Variants in EPB41L3 observed in about 807,000 individuals in gnomAD.
EPB41L3 encodes erythrocyte membrane protein band 4.1 like 3.
In EPB41L3, 57 loss-of-function variants were observed where a neutral mutation model predicts 127.1. The ratio of observed to expected loss-of-function variants is 0.45; its 90% CI spans 0.36 to 0.56. EPB41L3 has a LOEUF of 0.56. Among genes scored for constraint, EPB41L3 ranks in the 20% least tolerant of loss-of-function variants. EPB41L3 has a pLI of 0.00. For missense variants in EPB41L3, 1,273 were observed against 1,372.2 expected, an observed-to-expected ratio of 0.93 and a Z score of 1.14; for synonymous variants, 572 against 549.5, an observed-to-expected ratio of 1.04 and a Z score of -0.57.
At chr18:5,436,941 A>T (rs1568170812) in intron 6 of EPB41L3, among the ~76,000 whole-genome samples, 2 of 152,160 alleles carry the variant, frequency 1.3e-5, no homozygotes, top group African/African-American at 2.4e-5. Flanking sequence ...GTTTTGAGTA[A>T]TTTCCCTTTT....
chr18:5,421,284 T>G (rs2077440108), intron 11 of EPB41L3, among the ~76,000 whole-genome samples: 1 of 151,706 alleles, frequency 6.6e-6, no homozygotes, highest in Admixed American at 6.6e-5. Context: ...TGCACGTCAC[T>G]GAACAAAGTG....
At chr18:5,620,446 T>C (rs886774123) in intron 1 of EPB41L3, among the ~76,000 whole-genome samples, 1 of 152,196 alleles carries the variant, frequency 6.6e-6, no homozygotes, top group Admixed American at 6.5e-5. Context: ...TTTCACTTAG[T>C]GAAAATATTT....
chr18:5,616,163 C>T (rs995441926), intron 1 of EPB41L3, among the ~76,000 whole-genome samples: 37 of 152,122 alleles, frequency 2.4e-4, no homozygotes, highest in African/African-American at 8.9e-4. Context: ...TCAGCTGTTA[C>T]CCCGGCTCCT....
chr18:5,613,143 AGAG>A (rs746623769), intron 2 of EPB41L3, among the ~76,000 whole-genome samples: 6 of 152,276 alleles, frequency 3.9e-5, no homozygotes, highest in Non-Finnish European at 5.9e-5. Flanking sequence ...ACACTTGCAG[AGAG>A]GAGGGACTTA....
chr18:5,401,136 C>G (rs568616840), intron 16 of EPB41L3: 1 of 621,252 alleles, frequency 1.6e-6, no homozygotes, highest in African/African-American at 1.8e-5. Context: ...TGTATTATCT[C>G]TATCTATCTA....
intron 3 of EPB41L3, among the ~76,000 whole-genome samples, chr18:5,460,263 G>C (rs1292662650): frequency 6.6e-6 from 1 of 152,104 alleles, no homozygotes; most frequent in Non-Finnish European, 1.5e-5. Flanking sequence ...CCTCTCATTT[G>C]GGTTCTCTCA....
At chr18:5,508,341 A>T (rs537634718) in intron 1 of EPB41L3, 31 of 152,334 alleles carry the variant, frequency 2.0e-4, no homozygotes, top group African/African-American at 7.5e-4. Context: ...AACACTGTAC[A>T]ACCCAAAAGA....
At chr18:5,559,235 A>G (rs1321912970) in intron 3 of EPB41L3, among the ~76,000 whole-genome samples, 1 of 152,248 alleles carries the variant, frequency 6.6e-6, no homozygotes, top group Non-Finnish European at 1.5e-5. Context: ...AAATGTTCTT[A>G]TATCATTAAG....
chr18:5,470,866 A>G (rs2086006675), intron 3 of EPB41L3, among the ~76,000 whole-genome samples: 1 of 152,246 alleles, frequency 6.6e-6, no homozygotes, highest in Non-Finnish European at 1.5e-5. Flanking sequence ...AAACCTGTGC[A>G]GATGGGAGGC....
Position 5,477,971 on chromosome 18 carries a change from A to T in EPB41L3, c.381+270T>A, listed in dbSNP as rs555398076. Among the ~76,000 whole-genome samples the T allele has an allele frequency of 1.6e-3, 246 of 152,148 alleles. 3 individuals carry two copies. The highest frequency in any genetic ancestry group is 5.8e-3 in the African/African-American group (241 of 41,494). ...AAAGTCTATTTTTAAAGCTTTCAAA[A>T]TTTTTTTTGTTCCTACCATATTGTT... On this transcript the variant is annotated intron_variant, in intron 3 of 22. Coordinates refer to ENST00000341928, the MANE Select transcript of EPB41L3 (RefSeq NM_012307.5).
intron 3 of EPB41L3, among the ~76,000 whole-genome samples, chr18:5,471,651 G>A (rs887870636): frequency 2.0e-5 from 3 of 152,138 alleles, no homozygotes; most frequent in Non-Finnish European, 2.9e-5. Context: ...CAGGCAAGAC[G>A]ATGGAGCAGA....
At chr18:5,418,225 A>C (rs2077053875) in intron 12 of EPB41L3, among the ~76,000 whole-genome samples, 1 of 152,178 alleles carries the variant, frequency 6.6e-6, no homozygotes, top group Admixed American at 6.5e-5. Context: ...TCAGAGACTC[A>C]GGCTATGAGG....
chr18:5,416,517 C>T, intron 12 of EPB41L3, 139 bp from the exon 13 acceptor site: 1 of 851,956 alleles, frequency 1.2e-6, no homozygotes, highest in Non-Finnish European at 1.8e-6. Context: ...TAGGGTTGCT[C>T]ATGAATGTTA....
intron 1 of EPB41L3, among the ~76,000 whole-genome samples, chr18:5,492,091 GGGT>G (rs1188541864): frequency 1.3e-5 from 2 of 152,080 alleles, no homozygotes; most frequent in Non-Finnish European, 2.9e-5. Flanking sequence ...AGGCCGAGGC[GGGT>G]GGATCACTTG....
intron 3 of EPB41L3, among the ~76,000 whole-genome samples, chr18:5,586,738 T>C (rs995145140): frequency 6.6e-6 from 1 of 152,110 alleles, no homozygotes. Context: ...TTATTTAAGA[T>C]AAATAGGAGT....
intron 3 of EPB41L3, among the ~76,000 whole-genome samples, chr18:5,578,301 T>C (rs2094357218): frequency 6.6e-6 from 1 of 152,228 alleles, no homozygotes; most frequent in African/African-American, 2.4e-5. Flanking sequence ...CAAGAAATTG[T>C]TACTGTTAGT....
At chr18:5,602,002 G>C (rs544474026) in intron 3 of EPB41L3, among the ~76,000 whole-genome samples, 1 of 152,228 alleles carries the variant, frequency 6.6e-6, no homozygotes, top group South Asian at 2.1e-4. Context: ...AGGTTCTCCA[G>C]CCATTTATTG....
At chr18:5,605,180 T>C (rs557324580) in intron 3 of EPB41L3, among the ~76,000 whole-genome samples, 56 of 152,172 alleles carry the variant, frequency 3.7e-4, no homozygotes, top group Non-Finnish European at 6.8e-4. Flanking sequence ...GGTTGAGGCC[T>C]CTGCTGGGAC....
intron 3 of EPB41L3, among the ~76,000 whole-genome samples, chr18:5,451,112 T>C (rs2082226520): frequency 6.6e-6 from 1 of 152,204 alleles, no homozygotes; most frequent in Admixed American, 6.5e-5. Context: ...CTGGAGCATG[T>C]TTATAAAGAG....
Sources: gnomAD v4.1 joint callset for allele counts (sites outside exome capture counted in the v4.1 genomes callset) on GRCh38, gnomAD v4.1.1 for gene constraint, MANE v1.5 for transcripts, NCBI Gene and HGNC (gene_info 2026-07-23, HGNC 2026-07-21) for gene names.